CCDC178: variants seen among roughly 807,000 people sequenced by gnomAD.
The protein encoded by CCDC178 is coiled-coil domain containing 178, also known as coiled-coil domain-containing protein 178.
In CCDC178, 126 loss-of-function variants were observed where a neutral mutation model predicts 117.4. The observed-to-expected ratio is 1.07, with a 90% confidence interval of 0.93 to 1.24. The LOEUF is 1.24. CCDC178 is among the 50% of genes most tolerant of loss of function. CCDC178 has a pLI of 0.00. For synonymous variants in CCDC178, 283 were observed against 313.4 expected (o/e 0.90, Z 1.02); for missense variants, 1,030 against 986.9 (o/e 1.04, Z -0.59).
chr18:32,979,661 T>A (rs980932983), intron 21 of CCDC178, among the ~76,000 whole-genome samples: 6 of 152,156 alleles, frequency 3.9e-5, no homozygotes, highest in Non-Finnish European at 7.4e-5. Context: ...AAGAGTGTCA[T>A]GGACAAATCA....
intron 15 of CCDC178, among the ~76,000 whole-genome samples, chr18:33,243,255 T>C (rs923482085): frequency 2.6e-5 from 4 of 151,878 alleles, no homozygotes; most frequent in Admixed American, 2.0e-4. Flanking sequence ...TGGGGTGGGT[T>C]GGAAGAAGTA....
intron 21 of CCDC178, among the ~76,000 whole-genome samples, chr18:32,990,363 C>A (rs1184836199): frequency 6.6e-6 from 1 of 151,990 alleles, no homozygotes; most frequent in African/African-American, 2.4e-5. Flanking sequence ...AAATTTGTTG[C>A]AAAGACAGTA....
intron 2 of CCDC178, among the ~76,000 whole-genome samples, chr18:33,438,212 A>C (rs2064318816): frequency 6.6e-6 from 1 of 152,118 alleles, no homozygotes; most frequent in African/African-American, 2.4e-5. Context: ...GAGACCAAGC[A>C]GAGAAAGCCA....
At chr18:33,030,066 G>A (rs1316392231) in intron 21 of CCDC178, among the ~76,000 whole-genome samples, 1 of 151,942 alleles carries the variant, frequency 6.6e-6, no homozygotes, top group African/African-American at 2.4e-5. Context: ...TGCAAGTAGA[G>A]CACTGAAATT....
intron 5 of CCDC178, among the ~76,000 whole-genome samples, chr18:33,371,045 A>T (rs1267940985): frequency 6.6e-6 from 1 of 151,952 alleles, no homozygotes; most frequent in Non-Finnish European, 1.5e-5. Flanking sequence ...ATTTCAATTG[A>T]CCTTGAGGGA....
intron 20 of CCDC178, among the ~76,000 whole-genome samples, chr18:33,118,346 C>T (rs1372964839): frequency 1.3e-5 from 2 of 152,018 alleles, no homozygotes; most frequent in Non-Finnish European, 2.9e-5. Flanking sequence ...CTATTTCTCT[C>T]ACAATCACCA....
intron 20 of CCDC178, among the ~76,000 whole-genome samples, chr18:33,163,305 A>G (rs1292064839): frequency 6.6e-6 from 1 of 152,218 alleles, no homozygotes; most frequent in African/African-American, 2.4e-5. Flanking sequence ...TAAAATATAT[A>G]AACATATAGT....
chr18:33,164,783 G>T (rs1477530130), intron 20 of CCDC178, among the ~76,000 whole-genome samples: 1 of 152,120 alleles, frequency 6.6e-6, no homozygotes, highest in African/African-American at 2.4e-5. Flanking sequence ...GGAAATGGGA[G>T]GGTATTTTCA....
At chr18:33,195,342 G>T (rs1026746245) in intron 20 of CCDC178, among the ~76,000 whole-genome samples, 7 of 152,056 alleles carry the variant, frequency 4.6e-5, no homozygotes, top group Admixed American at 4.6e-4. Context: ...AAGTTAAAAA[G>T]CTGTAATGCC....
intron 14 of CCDC178, among the ~76,000 whole-genome samples, chr18:33,260,426 T>C (rs1025063130): frequency 6.6e-6 from 1 of 151,036 alleles, no homozygotes; most frequent in Non-Finnish European, 1.5e-5. Context: ...CTATAATTTT[T>C]AATTATTTTT....
intron 4 of CCDC178, among the ~76,000 whole-genome samples, chr18:33,396,705 T>A (rs1190604889): frequency 6.6e-6 from 1 of 152,080 alleles, no homozygotes; most frequent in Non-Finnish European, 1.5e-5. Context: ...TGCACACATA[T>A]GGAACACTAC....
intron 7 of CCDC178, among the ~76,000 whole-genome samples, chr18:33,349,982 C>T (rs2062951842): frequency 6.6e-6 from 1 of 151,862 alleles, no homozygotes; most frequent in Non-Finnish European, 1.5e-5. Flanking sequence ...CACAACTTAT[C>T]TAGGTAACTC....
intron 14 of CCDC178, among the ~76,000 whole-genome samples, chr18:33,257,846 C>T (rs2059698700): frequency 2.0e-5 from 3 of 152,062 alleles, no homozygotes; most frequent in African/African-American, 7.2e-5. Context: ...CTTCTCATTA[C>T]CATTTCAAGA....
At chr18:32,945,159 T>A (rs566935084) in intron 22 of CCDC178, among the ~76,000 whole-genome samples, 1 of 152,288 alleles carries the variant, frequency 6.6e-6, no homozygotes, top group South Asian at 2.1e-4. Context: ...GTAGGCTATA[T>A]GTCCTGAAGG....
chr18:33,376,813 T>C (rs2063373358), intron 5 of CCDC178, among the ~76,000 whole-genome samples: 1 of 152,344 alleles, frequency 6.6e-6, no homozygotes, highest in Middle Eastern at 3.4e-3. Context: ...TAGTATTTCA[T>C]GGTGTATATG....
intron 3 of CCDC178, among the ~76,000 whole-genome samples, chr18:33,405,674 C>T (rs890451298): frequency 2.6e-5 from 4 of 151,952 alleles, no homozygotes; most frequent in Non-Finnish European, 5.9e-5. Flanking sequence ...GAATATATTT[C>T]CTGGGATCCC....
intron 20 of CCDC178, among the ~76,000 whole-genome samples, chr18:33,105,903 G>T (rs2057698585): frequency 6.6e-6 from 1 of 151,576 alleles, no homozygotes; most frequent in Admixed American, 6.6e-5. Flanking sequence ...AGTTTCACAT[G>T]AAATGACTGT....
intron 9 of CCDC178, among the ~76,000 whole-genome samples, chr18:33,339,384 C>A (rs1281056017): frequency 6.6e-6 from 1 of 151,250 alleles, no homozygotes; most frequent in Non-Finnish European, 1.5e-5. Context: ...CACAAATTAC[C>A]AAAGTTAGGA....
intron 20 of CCDC178, among the ~76,000 whole-genome samples, chr18:33,202,710 A>T (rs1213988566): frequency 6.6e-6 from 1 of 152,146 alleles, no homozygotes; most frequent in Non-Finnish European, 1.5e-5. Context: ...ATCCTGTATG[A>T]TGCTCTCTAA....
Sources: allele counts gnomAD v4.1 joint callset (sites outside exome capture counted in the v4.1 genomes callset), GRCh38; gene constraint gnomAD v4.1.1; transcripts MANE v1.5; gene names NCBI Gene and HGNC (gene_info 2026-07-23, HGNC 2026-07-21).